PHTF2: variants seen among roughly 807,000 people sequenced by gnomAD.
PHTF2 encodes the protein putative homeodomain transcription factor 2.
PHTF2 carries 60 observed loss-of-function variants against 101.2 expected under a neutral mutation model. The observed-to-expected ratio is 0.59, with a 90% CI of 0.48 to 0.73. The LOEUF (loss-of-function observed/expected upper bound fraction) is 0.73, where lower values mean the gene tolerates loss of function less well. PHTF2 is among the 30% of genes least tolerant of loss of function. PHTF2 has a pLI of 0.00. For synonymous variants in PHTF2, 311 were observed against 307.3 expected, an observed-to-expected ratio of 1.01 and a Z score of -0.13; for missense variants, 747 against 908.7, an observed-to-expected ratio of 0.82 and a Z score of 2.29.
chr7:77,886,089 G>T (rs1452329096), intron 3 of PHTF2, among the ~76,000 whole-genome samples: 1 of 152,030 alleles, frequency 6.6e-6, no homozygotes, highest in Non-Finnish European at 1.5e-5. Context: ...TTTTATTTGA[G>T]AATTCTTAAT....
At chr7:77,868,452 T>A (rs534176607) in intron 3 of PHTF2, among the ~76,000 whole-genome samples, 133 of 149,348 alleles carry the variant, frequency 8.9e-4, no homozygotes, top group African/African-American at 3.1e-3. Context: ...TACAGGCATG[T>A]GCCAACTCGC....
At chr7:77,832,159 C>T (rs938893048) in intron 1 of PHTF2, among the ~76,000 whole-genome samples, 2 of 151,950 alleles carry the variant, frequency 1.3e-5, no homozygotes, top group African/African-American at 4.8e-5. Context: ...CTTGTCACTT[C>T]AGGGGAGAAT....
chr7:77,810,461 A>G (rs1183237338), intron 1 of PHTF2, among the ~76,000 whole-genome samples: 1 of 152,252 alleles, frequency 6.6e-6, no homozygotes, highest in East Asian at 1.9e-4. Flanking sequence ...ACACAGAAAC[A>G]CTTGAACCTA....
chr7:77,952,240 A>G (rs1806613271), intron 18 of PHTF2, among the ~76,000 whole-genome samples: 1 of 152,128 alleles, frequency 6.6e-6, no homozygotes, highest in Non-Finnish European at 1.5e-5. Context: ...TGCTTACAAT[A>G]TTCATTATGT....
intron 3 of PHTF2, among the ~76,000 whole-genome samples, chr7:77,891,811 C>G (rs1800441652): frequency 6.6e-6 from 1 of 152,042 alleles, no homozygotes; most frequent in Non-Finnish European, 1.5e-5. Flanking sequence ...GTACCAAACT[C>G]CTGGGCTCAA....
chr7:77,801,798 G>A (rs1435801567), intron 1 of PHTF2, among the ~76,000 whole-genome samples: 1 of 152,072 alleles, frequency 6.6e-6, no homozygotes, highest in African/African-American at 2.4e-5. Flanking sequence ...AATGCTTGTG[G>A]TCCCAATAAT....
At chr7:77,799,635 G>T (rs1157519841) in intron 1 of PHTF2, among the ~76,000 whole-genome samples, 1 of 152,204 alleles carries the variant, frequency 6.6e-6, no homozygotes, top group East Asian at 1.9e-4. Flanking sequence ...TATCTGCCCA[G>T]TGTTGACAGC....
chr7:77,894,541 A>G (rs1004369724), intron 5 of PHTF2, among the ~76,000 whole-genome samples: 1 of 152,210 alleles, frequency 6.6e-6, no homozygotes, highest in Admixed American at 6.5e-5. Context: ...CCATTTGGCA[A>G]TTATAATCTC....
chr7:77,909,914 A>G (rs1802221883), intron 8 of PHTF2: 1 of 172,058 alleles, frequency 5.8e-6, no homozygotes, highest in African/African-American at 2.4e-5. Flanking sequence ...AATTCTCTCC[A>G]ATCTAAATTT....
intron 5 of PHTF2, among the ~76,000 whole-genome samples, chr7:77,898,793 T>TTATA (rs1484425982): frequency 1.3e-5 from 2 of 152,036 alleles, no homozygotes; most frequent in Non-Finnish European, 2.9e-5. Context: ...ATTTATTTAT[T>TTATA]TATTTATTTT....
At chr7:77,917,070 A>G (rs1213195575) in intron 9 of PHTF2, among the ~76,000 whole-genome samples, 3 of 152,204 alleles carry the variant, frequency 2.0e-5, no homozygotes, top group Non-Finnish European at 4.4e-5. Flanking sequence ...TACATTTATT[A>G]GTCGGCATTC....
intron 1 of PHTF2, among the ~76,000 whole-genome samples, chr7:77,830,583 C>G (rs1272337396): frequency 6.6e-6 from 1 of 151,862 alleles, no homozygotes; most frequent in Non-Finnish European, 1.5e-5. Flanking sequence ...CGGTTGCATG[C>G]TTCTTATGAG....
Position 77,951,603 on chromosome 7 carries a change from TC to T in PHTF2, c.2116-13del. Reference sequence around the variant, plus strand: ...TTATTATAATTTGAAGCATTTCTATTCTTTTTATAAAAGATAAACCTCTACT... The same window carrying T: ...TTATTATAATTTGAAGCATTTCTATTTTTTTATAAAAGATAAACCTCTACT... On this transcript the variant is annotated splice_polypyrimidine_tract_variant and intron_variant, in intron 17 of 19. Coordinates refer to ENST00000416283, the Ensembl canonical transcript of PHTF2. 9.2e-7 allele frequency: 1 copy of T among 1,086,384 alleles called. No homozygotes were observed. Among genetic ancestry groups the T allele is most frequent in the Non-Finnish European group, 1.3e-6 (1 of 750,144 alleles). The allele number at this position is 1,086,384 out of a possible 1,614,324, so 67.3% of individuals were successfully genotyped here.
At chr7:77,835,893 G>C (rs983273540) in intron 1 of PHTF2, among the ~76,000 whole-genome samples, 1 of 152,064 alleles carries the variant, frequency 6.6e-6, no homozygotes, top group Non-Finnish European at 1.5e-5. Flanking sequence ...GCTGAGACGG[G>C]AGGATCACCT....
chr7:77,809,232 T>TTTTGTTTG (rs1246604331), intron 1 of PHTF2, among the ~76,000 whole-genome samples: 70 of 146,608 alleles, frequency 4.8e-4, no homozygotes, highest in African/African-American at 1.7e-3. Context: ...TTGTTTTTTT[T>TTTTGTTTG]TTTTTTTTTT....
chr7:77,900,703 T>C lies in PHTF2; in HGVS notation c.217-8T>C, dbSNP rs1014170680. ...TACAATTCCAATGCTTCTTTTGATA[T>C]ATTATAGGGGCTAAGGAATAAACCA... is the stretch of plus-strand genomic sequence containing the variant. On this transcript the variant is annotated splice_region_variant and splice_polypyrimidine_tract_variant and intron_variant, in intron 5 of 19. Transcript: ENST00000416283. 1.1e-5 allele frequency: 16 copies of C among 1,416,040 alleles called. No individual in the cohort carries two copies. Among genetic ancestry groups the C allele is most frequent in the Admixed American group, 3.3e-5 (2 of 59,722 alleles). 87.7% of individuals were successfully genotyped at this position (1,416,040 alleles called of 1,614,324 possible).
chr7:77,946,995 C>T (rs189199152), intron 16 of PHTF2, among the ~76,000 whole-genome samples: 2 of 151,768 alleles, frequency 1.3e-5, no homozygotes, highest in Admixed American at 1.3e-4. Flanking sequence ...TGACACATGC[C>T]TGTGATCCCA....
chr7:77,879,259 G>T (rs1055675821), intron 3 of PHTF2, among the ~76,000 whole-genome samples: 1 of 152,184 alleles, frequency 6.6e-6, no homozygotes, highest in African/African-American at 2.4e-5. Context: ...TAATCATAGT[G>T]TTACTAGCAT....
At chr7:77,899,158 C>T (rs1468709960) in intron 5 of PHTF2, among the ~76,000 whole-genome samples, 1 of 152,134 alleles carries the variant, frequency 6.6e-6, no homozygotes, top group Non-Finnish European at 1.5e-5. Context: ...CATTCTTGCA[C>T]TTAGGAACAC....
Sources: allele counts gnomAD v4.1 joint callset (sites outside exome capture counted in the v4.1 genomes callset), GRCh38; gene constraint gnomAD v4.1.1; transcripts MANE v1.5; gene names NCBI Gene and HGNC (gene_info 2026-07-23, HGNC 2026-07-21).